Variants in DYNC1I1 observed in about 807,000 individuals in gnomAD.
The protein encoded by DYNC1I1 is cytoplasmic dynein 1 intermediate chain 1.
Under a neutral mutation model 86.6 loss-of-function variants are expected in DYNC1I1, and 43 were observed. That is an observed-to-expected ratio of 0.50 (90% CI 0.39 to 0.64). The LOEUF (loss-of-function observed/expected upper bound fraction) is 0.64, where lower values mean the gene tolerates loss of function less well. DYNC1I1 is among the 30% of genes least tolerant of loss of function. DYNC1I1 has a pLI of 0.00. For synonymous variants in DYNC1I1, 262 were observed against 283.7 expected, an observed-to-expected ratio of 0.92 and a Z score of 0.77; for missense variants, 604 against 788.8, an observed-to-expected ratio of 0.77 and a Z score of 2.81.
chr7:96,106,407 C>T (rs932878532), intron 16 of DYNC1I1, among the ~76,000 whole-genome samples: 59 of 152,050 alleles, frequency 3.9e-4, no homozygotes, highest in African/African-American at 1.3e-3. Context: ...TGGTGGCCGG[C>T]GCCTATAATC....
At chr7:96,024,624 C>A (rs1794633022) in intron 10 of DYNC1I1, among the ~76,000 whole-genome samples, 1 of 151,788 alleles carries the variant, frequency 6.6e-6, no homozygotes, top group South Asian at 2.1e-4. Flanking sequence ...CACTGAATAA[C>A]AATATAAAAT....
At chr7:96,085,601 C>T (rs562672056) in intron 16 of DYNC1I1, among the ~76,000 whole-genome samples, 11 of 152,266 alleles carry the variant, frequency 7.2e-5, no homozygotes, top group South Asian at 6.2e-4. Flanking sequence ...GTGCTGAACT[C>T]CCATTAGCAT....
intron 16 of DYNC1I1, among the ~76,000 whole-genome samples, chr7:96,105,339 T>G (rs1791200383): frequency 6.6e-6 from 1 of 151,922 alleles, no homozygotes; most frequent in African/African-American, 2.4e-5. Flanking sequence ...TTTTTTGCCT[T>G]ACAGTATTAG....
intron 5 of DYNC1I1, among the ~76,000 whole-genome samples, chr7:95,842,948 G>A (rs1040656310): frequency 1.3e-5 from 2 of 151,954 alleles, no homozygotes; most frequent in Admixed American, 6.6e-5. Context: ...GATTTGTTCT[G>A]AGATATAGTA....
intron 6 of DYNC1I1, among the ~76,000 whole-genome samples, chr7:95,889,795 A>G (rs926263345): frequency 6.6e-6 from 1 of 152,242 alleles, no homozygotes; most frequent in Admixed American, 6.5e-5. Flanking sequence ...ACATGAATAG[A>G]CACTTTTCAA....
intron 6 of DYNC1I1, among the ~76,000 whole-genome samples, chr7:95,928,948 C>A (rs1385488737): frequency 6.6e-6 from 1 of 152,168 alleles, no homozygotes; most frequent in Non-Finnish European, 1.5e-5. Context: ...CTTTCTCCCT[C>A]CCTTCCGTCC....
At chr7:96,062,033 T>C (rs1403774084) in intron 14 of DYNC1I1, among the ~76,000 whole-genome samples, 3 of 152,212 alleles carry the variant, frequency 2.0e-5, no homozygotes, top group African/African-American at 7.2e-5. Context: ...CCTCACTTTT[T>C]GTCACAAGGC....
intron 6 of DYNC1I1, among the ~76,000 whole-genome samples, chr7:95,944,401 T>C (rs953142479): frequency 6.6e-6 from 1 of 152,120 alleles, no homozygotes; most frequent in Non-Finnish European, 1.5e-5. Flanking sequence ...TGTGGAGAAA[T>C]AGGAACACTT....
chr7:96,067,950 T>C (rs905120363), intron 14 of DYNC1I1, among the ~76,000 whole-genome samples: 2 of 152,164 alleles, frequency 1.3e-5, no homozygotes, highest in African/African-American at 4.8e-5. Context: ...AGATCAAAGA[T>C]ATCCCCACCC....
intron 1 of DYNC1I1, among the ~76,000 whole-genome samples, chr7:95,788,871 A>C (rs1271603542): frequency 6.6e-6 from 1 of 152,232 alleles, no homozygotes; most frequent in Non-Finnish European, 1.5e-5. Context: ...AGATGTATTC[A>C]TGTAAATTAT....
At chr7:95,906,301 G>A (rs188139106) in intron 6 of DYNC1I1, among the ~76,000 whole-genome samples, 6 of 152,162 alleles carry the variant, frequency 3.9e-5, no homozygotes, top group Admixed American at 2.0e-4. Context: ...CTTGAGCTAC[G>A]GTTTCTGCAT....
At chr7:95,863,529 C>A (rs183903198) in intron 5 of DYNC1I1, among the ~76,000 whole-genome samples, 14 of 152,250 alleles carry the variant, frequency 9.2e-5, no homozygotes, top group South Asian at 8.3e-4. Context: ...AAAATTAAGG[C>A]AGCCTTGATC....
chr7:95,800,818 C>T, intron 1 of DYNC1I1, among the ~76,000 whole-genome samples: 1 of 152,226 alleles, frequency 6.6e-6, no homozygotes, highest in East Asian at 1.9e-4. Flanking sequence ...AGACTGAGAG[C>T]ATCAGAATTG....
At chr7:95,924,247 T>A (rs1791684394) in intron 6 of DYNC1I1, among the ~76,000 whole-genome samples, 1 of 152,182 alleles carries the variant, frequency 6.6e-6, no homozygotes, top group Non-Finnish European at 1.5e-5. Context: ...CTGATTAACA[T>A]CTTAATTTCT....
At chr7:96,106,193 T>C (rs1791210855) in intron 16 of DYNC1I1, among the ~76,000 whole-genome samples, 1 of 152,140 alleles carries the variant, frequency 6.6e-6, no homozygotes, top group Non-Finnish European at 1.5e-5. Context: ...GAAACTTAGA[T>C]CATTGATTTA....
rs189052816 is a variant in DYNC1I1 at position 96,043,061 on chromosome 7, C to T, written c.1509+3640C>T. 3.1e-3 allele frequency among the ~76,000 whole-genome samples: 470 copies of T among 150,450 alleles called. 2 individuals carry two copies. Among genetic ancestry groups the T allele is most frequent in the African/African-American group, 0.011 (447 of 40,916 alleles). On this transcript the variant is annotated intron_variant, in intron 14 of 16. Transcript: ENST00000447467. ...TATAATCTCAGCTGCTAGGGAGGCT[C>T]GGGAGGCTGAGTCAGGAGAATCACT...
intron 6 of DYNC1I1, among the ~76,000 whole-genome samples, chr7:95,935,335 C>T (rs946602841): frequency 3.9e-5 from 6 of 151,976 alleles, no homozygotes; most frequent in Admixed American, 6.6e-5. Flanking sequence ...AATAGTATTC[C>T]GTGGCATGAA....
chr7:95,811,076 T>C (rs1794820478), intron 3 of DYNC1I1, among the ~76,000 whole-genome samples: 2 of 152,314 alleles, frequency 1.3e-5, no homozygotes, highest in Admixed American at 6.5e-5. Context: ...TTCACTACAA[T>C]ACTCCTCCTC....
downstream of DYNC1I1, among the ~76,000 whole-genome samples, chr7:96,099,359 G>C (rs1452414384): frequency 2.0e-5 from 3 of 152,170 alleles, no homozygotes; most frequent in East Asian, 3.8e-4. Flanking sequence ...GACGTTATGT[G>C]ACTGACACAA....
Sources: gnomAD v4.1 joint callset for allele counts (sites outside exome capture counted in the v4.1 genomes callset) on GRCh38, gnomAD v4.1.1 for gene constraint, MANE v1.5 for transcripts, NCBI Gene and HGNC (gene_info 2026-07-23, HGNC 2026-07-21) for gene names.